The following CSMD2 variants were observed in gnomAD, a reference collection of about 807,000 sequenced individuals.
CSMD2 encodes CUB and Sushi multiple domains 2.
Under a neutral mutation model 398.5 loss-of-function variants are expected in CSMD2, and 130 were observed. The ratio of observed to expected loss-of-function variants is 0.33; its 90% confidence interval spans 0.28 to 0.38. CSMD2 has a LOEUF of 0.38. Ranked by LOEUF, CSMD2 falls within the 10% of genes least tolerant of loss-of-function variation. The pLI is 1.00. For missense variants in CSMD2, 3,829 were observed against 4,764.9 expected (o/e 0.80, Z 5.78); for synonymous variants, 1,828 against 1,908.5 (o/e 0.96, Z 1.10).
At chr1:34,061,161 C>T (rs184105436) in intron 2 of CSMD2, among the ~76,000 whole-genome samples, 4 of 152,336 alleles carry the variant, frequency 2.6e-5, no homozygotes, top group African/African-American at 9.6e-5. Context: ...TGGCAGGCCA[C>T]GGTTGCTGCT....
At chr1:34,159,522 T>C (rs1206964985) in intron 1 of CSMD2, among the ~76,000 whole-genome samples, 3 of 152,132 alleles carry the variant, frequency 2.0e-5, no homozygotes, top group South Asian at 4.1e-4. Context: ...CCCCAAGAAG[T>C]TGAATGGCAA....
intron 12 of CSMD2, among the ~76,000 whole-genome samples, chr1:33,773,642 C>T (rs1025966672): frequency 1.3e-5 from 2 of 151,746 alleles, no homozygotes; most frequent in African/African-American, 4.8e-5. Flanking sequence ...GAGAGATGGA[C>T]GAGGAGGAGG....
intron 70 of CSMD2, among the ~76,000 whole-genome samples, chr1:33,516,912 A>G (rs1653818372): frequency 1.3e-5 from 2 of 152,156 alleles, no homozygotes. Context: ...GATGAAAAAA[A>G]AAAAATGACT....
intron 4 of CSMD2, among the ~76,000 whole-genome samples, chr1:33,919,865 C>A (rs1169905489): frequency 6.6e-6 from 1 of 152,206 alleles, no homozygotes; most frequent in East Asian, 1.9e-4. Context: ...AACTGAGCAC[C>A]TACTATGTGT....
chr1:34,115,410 C>T (rs1435288234), intron 1 of CSMD2, among the ~76,000 whole-genome samples: 1 of 152,082 alleles, frequency 6.6e-6, no homozygotes, highest in African/African-American at 2.4e-5. Context: ...TCAGCATAAA[C>T]ATTACAAGCC....
intron 32 of CSMD2, among the ~76,000 whole-genome samples, chr1:33,629,743 G>GT (rs57420148): frequency 0.25 from 37,131 of 146,818 alleles, 5,148 homozygotes; most frequent in Admixed American, 0.32. Flanking sequence ...ATATCTACAG[G>GT]TTTTTTTTTT....
intron 56 of CSMD2, among the ~76,000 whole-genome samples, chr1:33,549,663 A>C (rs982131491): frequency 6.6e-6 from 1 of 152,226 alleles, no homozygotes; most frequent in Admixed American, 6.5e-5. Flanking sequence ...ACTGTACCCC[A>C]CTAGGTAGCC....
At chr1:33,836,412 C>G (rs1007972871) in intron 6 of CSMD2, among the ~76,000 whole-genome samples, 1 of 152,210 alleles carries the variant, frequency 6.6e-6, no homozygotes, top group Non-Finnish European at 1.5e-5. Flanking sequence ...ACATTTAAGT[C>G]TGCAGAAGTT....
intron 3 of CSMD2, among the ~76,000 whole-genome samples, chr1:33,970,511 T>C (rs1448246018): frequency 6.6e-6 from 1 of 152,192 alleles, no homozygotes; most frequent in Non-Finnish European, 1.5e-5. Flanking sequence ...CAGGAGCAGA[T>C]GATACTACAG....
rs773492062 is a variant in CSMD2 at position 33,636,312 on chromosome 1, G to T, written c.4969+48C>A. ...CAGCCCACAGCACCCTCTGCCCCTGGCATGCCCTCAGTTCCTCAGACCCCT... is the reference window on the plus strand; with the variant it reads ...CAGCCCACAGCACCCTCTGCCCCTGTCATGCCCTCAGTTCCTCAGACCCCT... On this transcript the variant is annotated intron_variant, in intron 30 of 70. Coordinates refer to ENST00000373381, the MANE Select transcript of CSMD2 (RefSeq NM_001281956.2). The surrounding 1 kb of genome is among the most constrained non-coding windows in gnomAD (Gnocchi z 4.8). 6 of 1,511,726 alleles carry T rather than the reference G, an allele frequency of 4.0e-6. No homozygotes were observed. The Admixed American group carries it at 1.0e-4, about 25-fold the overall frequency. 93.6% of individuals were successfully genotyped at this position (1,511,726 alleles called of 1,614,324 possible). A position where few individuals can be genotyped will look rare whatever the true frequency, so the allele number is the denominator to read the frequency against.
intron 1 of CSMD2, among the ~76,000 whole-genome samples, chr1:34,089,722 T>G (rs1282415750): frequency 6.6e-6 from 1 of 152,146 alleles, no homozygotes; most frequent in Non-Finnish European, 1.5e-5. Context: ...TCCATCTAAA[T>G]GGACTCTTGC....
intron 13 of CSMD2, among the ~76,000 whole-genome samples, chr1:33,766,532 T>A (rs1247661835): frequency 2.0e-5 from 3 of 152,366 alleles, no homozygotes; most frequent in Non-Finnish European, 4.4e-5. Context: ...AGGGCCCACT[T>A]CATTTATATA....
chr1:33,741,912 G>T (rs779194858), intron 14 of CSMD2, among the ~76,000 whole-genome samples: 9 of 152,118 alleles, frequency 5.9e-5, no homozygotes, highest in Non-Finnish European at 1.0e-4. Flanking sequence ...TTCCTACTCC[G>T]CCAGGGCAAG....
intron 49 of CSMD2, among the ~76,000 whole-genome samples, chr1:33,576,960 G>A (rs729176): frequency 0.22 from 33,479 of 151,922 alleles, 4,069 homozygotes; most frequent in African/African-American, 0.31. Flanking sequence ...TCTATGAGCC[G>A]GAACCCAAGC....
intron 1 of CSMD2, among the ~76,000 whole-genome samples, chr1:34,118,400 C>T (rs1661820075): frequency 6.6e-6 from 1 of 152,142 alleles, no homozygotes; most frequent in African/African-American, 2.4e-5. Context: ...CGGTATAATA[C>T]TGGAAGTCCT....
chr1:33,954,953 G>C (rs1171434055), intron 3 of CSMD2, among the ~76,000 whole-genome samples: 1 of 152,158 alleles, frequency 6.6e-6, no homozygotes, highest in East Asian at 1.9e-4. Context: ...ACTTAAAAAT[G>C]GTTAAGATAA....
chr1:33,760,199 T>C (rs116319364), intron 13 of CSMD2, among the ~76,000 whole-genome samples: 2,903 of 152,282 alleles, frequency 0.019, 38 homozygotes, highest in South Asian at 0.03. Context: ...TAATGCATTG[T>C]CCCCACCAAA....
chr1:33,753,471 C>A (rs551370883), intron 13 of CSMD2, among the ~76,000 whole-genome samples: 2 of 152,248 alleles, frequency 1.3e-5, no homozygotes, highest in South Asian at 4.1e-4. Context: ...GGGTGCACAG[C>A]ATGCAAGTAT....
At chr1:34,102,208 T>C (rs920214087) in intron 1 of CSMD2, among the ~76,000 whole-genome samples, 1 of 152,138 alleles carries the variant, frequency 6.6e-6, no homozygotes, top group African/African-American at 2.4e-5. Flanking sequence ...TTTTTTTTAC[T>C]TTTAGTAGAG....
Sources: gnomAD v4.1 joint callset for allele counts (sites outside exome capture counted in the v4.1 genomes callset) on GRCh38, gnomAD v4.1.1 for gene constraint, Gnocchi (gnomAD v3.1) non-coding constraint, MANE v1.5 for transcripts, NCBI Gene and HGNC (gene_info 2026-07-23, HGNC 2026-07-21) for gene names.